The following ATG2B variants were observed in gnomAD, a reference collection of about 807,000 sequenced individuals.
ATG2B encodes the protein autophagy-related protein 2 homolog B.
Under a neutral mutation model 241.3 loss-of-function variants are expected in ATG2B, and 121 were observed. The observed-to-expected ratio is 0.50, with a 90% CI of 0.43 to 0.58. ATG2B has a LOEUF of 0.58. Ranked by LOEUF, ATG2B falls within the 20% of genes least tolerant of loss-of-function variation. The pLI is 0.00. For synonymous variants in ATG2B, 858 were observed against 876.6 expected (o/e 0.98, Z 0.37); for missense variants, 2,306 against 2,491.6 (o/e 0.93, Z 1.59).
intron 1 of ATG2B, among the ~76,000 whole-genome samples, chr14:96,362,554 C>T (rs1473008800): frequency 1.3e-5 from 2 of 152,204 alleles, no homozygotes; most frequent in Non-Finnish European, 2.9e-5. Context: ...GCTTCACAGA[C>T]CCCCGAAGCA....
At chr14:96,328,037 C>T (rs535865152) in intron 14 of ATG2B, among the ~76,000 whole-genome samples, 92 of 152,236 alleles carry the variant, frequency 6.0e-4, no homozygotes, top group Non-Finnish European at 1.1e-3. Flanking sequence ...AGGCTTGTCT[C>T]GAACTGGCCT....
intron 35 of ATG2B, 86 bp downstream of exon 35, chr14:96,295,396 G>T (rs1472464075): frequency 3.6e-5 from 34 of 957,492 alleles, no homozygotes; most frequent in Non-Finnish European, 5.3e-5. Context: ...AATAAATATT[G>T]TAAGTACATT....
chr14:96,358,022 G>T (rs1227538903), intron 1 of ATG2B, among the ~76,000 whole-genome samples: 2 of 152,170 alleles, frequency 1.3e-5, no homozygotes, highest in African/African-American at 4.8e-5. Flanking sequence ...TGAGAGAAAC[G>T]GGACTTGATG....
chr14:96,332,798 G>A (rs1203445030), intron 8 of ATG2B, 143 bp from the exon 9 acceptor site: 1 of 519,006 alleles, frequency 1.9e-6, no homozygotes, highest in African/African-American at 2.0e-5. Flanking sequence ...TACTTACAGT[G>A]GTGTAATTTA....
At position 96,284,373 on chromosome 14, in the gene ATG2B, G is replaced by A. The variant is rs1342382673; in HGVS notation, c.*1382C>T. Reference sequence around the variant, plus strand: ...ATAAATTCTAAACATTTTGATTTTTGGTTTACATTGCTTTCCTGCTTAGAA... The same window carrying A: ...ATAAATTCTAAACATTTTGATTTTTAGTTTACATTGCTTTCCTGCTTAGAA... On this transcript the variant is annotated 3_prime_UTR_variant, in exon 42 of 42. Coordinates refer to ENST00000359933, the MANE Select transcript of ATG2B (RefSeq NM_018036.7). The A allele has an allele frequency of 6.6e-6, 1 of 152,100 alleles. No individual in the cohort carries two copies. The highest frequency in any genetic ancestry group is 2.4e-5 in the African/African-American group (1 of 41,412). The allele number at this position is 152,100 out of a possible 1,614,324, so 9.4% of individuals were successfully genotyped here.
chr14:96,326,888 A>G (rs1595313950), intron 14 of ATG2B, among the ~76,000 whole-genome samples: 1 of 152,082 alleles, frequency 6.6e-6, no homozygotes, highest in East Asian at 1.9e-4. Context: ...AATCTATTCT[A>G]ACTCTCCCCA....
At chr14:96,324,571 G>A (rs1887541682) in intron 15 of ATG2B, among the ~76,000 whole-genome samples, 1 of 152,028 alleles carries the variant, frequency 6.6e-6, no homozygotes, top group African/African-American at 2.4e-5. Context: ...ACTGAGGCAC[G>A]AGAATCGCTT....
intron 1 of ATG2B, 127 bp downstream of exon 1, chr14:96,362,688 C>G: frequency 1.1e-6 from 1 of 900,848 alleles, no homozygotes; most frequent in Non-Finnish European, 1.7e-6. Context: ...TTCTCTGAGC[C>G]GTGTCACACT....
chr14:96,353,079 T>C (rs1412977987), intron 1 of ATG2B, among the ~76,000 whole-genome samples: 1 of 152,258 alleles, frequency 6.6e-6, no homozygotes, highest in Non-Finnish European at 1.5e-5. Context: ...AATACCATTG[T>C]GTCACAGTTG....
chr14:96,295,307 C>A (rs1886606092), intron 35 of ATG2B, 140 bp from the exon 36 acceptor site: 7 of 978,886 alleles, frequency 7.2e-6, no homozygotes, highest in Admixed American at 3.0e-5. Context: ...TTTGCTTTCA[C>A]CTTTTAAATT....
At chr14:96,335,789 T>C (rs551486155) in intron 6 of ATG2B, among the ~76,000 whole-genome samples, 1 of 152,328 alleles carries the variant, frequency 6.6e-6, no homozygotes, top group East Asian at 1.9e-4. Context: ...AAAAATTGTT[T>C]TATAATTTCA....
chr14:96,291,517 T>C lies in ATG2B; in HGVS notation c.5579+83A>G, dbSNP rs1476336004. 6.0e-6 allele frequency: 6 copies of C among 1,006,464 alleles called. No individual in the cohort carries two copies. In the Admixed American group the frequency reaches 1.0e-4, roughly 17 times the overall value. 62.3% of individuals were successfully genotyped at this position (1,006,464 alleles called of 1,614,324 possible). The stretch of plus-strand genomic sequence containing the variant: ...AAAATACTGTAAAATTGTGTATGCA[T>C]GCTAAGAAAACTCAGTTTTTAAATT... On this transcript the variant is annotated intron_variant, in intron 38 of 41. Coordinates refer to ENST00000359933, the MANE Select transcript of ATG2B (RefSeq NM_018036.7).
chr14:96,344,761 A>C lies in ATG2B; in HGVS notation c.479-5T>G, dbSNP rs773737345. 1.0e-5 allele frequency: 14 copies of C among 1,390,800 alleles called. 1 individual carries two copies. Among genetic ancestry groups the C allele is most frequent in the Non-Finnish European group, 1.4e-5 (14 of 1,004,634 alleles). 86.2% of individuals were successfully genotyped at this position (1,390,800 alleles called of 1,614,324 possible). On this transcript the variant is annotated splice_polypyrimidine_tract_variant and splice_region_variant and intron_variant, in intron 3 of 41. Transcript: ENST00000359933. ...TGACTTTTACTCTTCTTAGTACTAA[A>C]GTAAACAAGTAATTGTCAACGTAAG...
intron 34 of ATG2B, among the ~76,000 whole-genome samples, chr14:96,300,648 T>C (rs970384226): frequency 1.3e-5 from 2 of 152,244 alleles, no homozygotes; most frequent in African/African-American, 2.4e-5. Flanking sequence ...AAATATTTCA[T>C]TGTATTTCCA....
intron 34 of ATG2B, among the ~76,000 whole-genome samples, chr14:96,299,360 T>C (rs1886728992): frequency 6.6e-6 from 1 of 152,220 alleles, no homozygotes; most frequent in Non-Finnish European, 1.5e-5. Context: ...TACCATCCCA[T>C]GCCTATCTGT....
Position 96,303,116 on chromosome 14 carries a change from T to G in ATG2B, c.4982A>C (p.Lys1661Thr). The change falls in exon 33 of 42, where the codon AAA becomes ACA. Residue 1661 changes from lysine (K) to threonine (T), a missense_variant. Transcript: ENST00000359933. ...TTTACTGCAATACAGGTATAAAAAT[T>G]TATTCATTTGTGATGTTGCCAAACG... ...RDRLATSQMN[K>T]FLYLYCSKEM... 1.2e-6 allele frequency: 2 copies of G among 1,611,992 alleles called. No individual in the cohort carries two copies. The highest frequency in any genetic ancestry group is 1.7e-6 in the Non-Finnish European group (2 of 1,179,078).
intron 18 of ATG2B, 74 bp from the exon 19 acceptor site, chr14:96,317,929 T>A: frequency 8.6e-7 from 1 of 1,156,982 alleles, no homozygotes; most frequent in South Asian, 2.1e-5. Context: ...AAAAAATCCT[T>A]TTAAAAGATC....
In ATG2B at chr14:96,289,469, C is replaced by T. The variant is rs371389345; in HGVS notation, c.6006+187G>A. On this transcript the variant is annotated intron_variant, in intron 41 of 41. Coordinates refer to ENST00000359933, the MANE Select transcript of ATG2B (RefSeq NM_018036.7). The surrounding 1 kb of genome is among the most constrained non-coding windows in gnomAD (Gnocchi z 4.3). ...ACGCAATCACTAGTATTCCTGTCAG[C>T]CTATTGGTCCCAGACTGGCCCTTTT... The T allele has an allele frequency of 1.3e-4, 78 of 612,720 alleles. 1 individual carries two copies. The highest frequency in any genetic ancestry group is 1.1e-3 in the African/African-American group (62 of 54,740). The allele number at this position is 612,720 out of a possible 1,614,324, so 38.0% of individuals were successfully genotyped here.
intron 1 of ATG2B, among the ~76,000 whole-genome samples, chr14:96,354,972 C>A (rs1888435208): frequency 6.6e-6 from 1 of 152,108 alleles, no homozygotes; most frequent in Non-Finnish European, 1.5e-5. Context: ...ACATCCTTTG[C>A]CCACTTTTTA....
Sources: allele counts gnomAD v4.1 joint callset (sites outside exome capture counted in the v4.1 genomes callset), GRCh38; gene constraint gnomAD v4.1.1; non-coding constraint Gnocchi (gnomAD v3.1); transcripts MANE v1.5; gene names NCBI Gene and HGNC (gene_info 2026-07-23, HGNC 2026-07-21).